Variants in CAMKMT observed in about 807,000 individuals in gnomAD.
CAMKMT encodes the protein CaM KMT.
A neutral mutation model predicts 48.0 loss-of-function variants in CAMKMT; 53 were observed. That is an observed-to-expected ratio of 1.10 (90% CI 0.89 to 1.39). The LOEUF (loss-of-function observed/expected upper bound fraction) is 1.39. Ranked by LOEUF, CAMKMT falls within the 40% of genes most tolerant of loss-of-function variation. The probability of loss-of-function intolerance (pLI) is 0.00; values close to 1 mark genes in which losing one functional copy is unlikely to be tolerated. For synonymous variants in CAMKMT, 165 were observed against 152.3 expected, an observed-to-expected ratio of 1.08 and a Z score of -0.61; for missense variants, 428 against 402.7, an observed-to-expected ratio of 1.06 and a Z score of -0.54.
chr2:44,506,610 G>T (rs980403569), intron 3 of CAMKMT, among the ~76,000 whole-genome samples: 2 of 152,118 alleles, frequency 1.3e-5, no homozygotes, highest in Non-Finnish European at 2.9e-5. Flanking sequence ...ATTTCTCAAT[G>T]TAGGGGGACT....
intron 3 of CAMKMT, among the ~76,000 whole-genome samples, chr2:44,426,451 C>T (rs562593498): frequency 1.3e-5 from 2 of 152,298 alleles, no homozygotes; most frequent in Admixed American, 6.5e-5. Flanking sequence ...GAAGATTCTG[C>T]TCAAAGACTC....
At chr2:44,543,002 A>C (rs1052035914) in intron 3 of CAMKMT, among the ~76,000 whole-genome samples, 1 of 152,216 alleles carries the variant, frequency 6.6e-6, no homozygotes, top group Non-Finnish European at 1.5e-5. Context: ...AAAATAGAGA[A>C]CCGAGTTTAA....
intron 3 of CAMKMT, among the ~76,000 whole-genome samples, chr2:44,496,414 G>C (rs556876200): frequency 6.6e-6 from 1 of 152,206 alleles, no homozygotes; most frequent in Non-Finnish European, 1.5e-5. Context: ...TATTTATTAT[G>C]TATTTGTAAG....
chr2:44,424,242 G>A (rs1284577192), intron 3 of CAMKMT, among the ~76,000 whole-genome samples: 1 of 151,330 alleles, frequency 6.6e-6, no homozygotes, highest in African/African-American at 2.4e-5. Flanking sequence ...TAGTGGGAGC[G>A]GTCGCAGACA....
At chr2:44,459,131 C>G (rs896666472) in intron 3 of CAMKMT, among the ~76,000 whole-genome samples, 1 of 151,972 alleles carries the variant, frequency 6.6e-6, no homozygotes, top group Non-Finnish European at 1.5e-5. Context: ...GGAATAGTAC[C>G]CTTTTCAGAT....
intron 9 of CAMKMT, among the ~76,000 whole-genome samples, chr2:44,764,035 T>A (rs555451545): frequency 1.3e-5 from 2 of 152,158 alleles, no homozygotes; most frequent in African/African-American, 2.4e-5. Context: ...CTGTTGTTTT[T>A]TTTTTTCTAA....
At chr2:44,429,871 C>T (rs530485890) in intron 3 of CAMKMT, among the ~76,000 whole-genome samples, 2 of 149,798 alleles carry the variant, frequency 1.3e-5, no homozygotes, top group East Asian at 3.9e-4. Flanking sequence ...TGCTAATTTA[C>T]CCATAATTAT....
chr2:44,542,596 A>G (rs1026181366), intron 3 of CAMKMT, among the ~76,000 whole-genome samples: 1 of 152,032 alleles, frequency 6.6e-6, no homozygotes, highest in African/African-American at 2.4e-5. Context: ...ATACATGTGT[A>G]AAGAAACTTG....
intron 2 of CAMKMT, among the ~76,000 whole-genome samples, chr2:44,375,554 T>A (rs1679601761): frequency 2.0e-5 from 3 of 152,098 alleles, no homozygotes; most frequent in African/African-American, 7.2e-5. Context: ...AATAGAAGTT[T>A]AGAGGTAGGA....
At chr2:44,637,099 C>T (rs982762657) in intron 3 of CAMKMT, among the ~76,000 whole-genome samples, 1 of 152,276 alleles carries the variant, frequency 6.6e-6, no homozygotes, top group African/African-American at 2.4e-5. Flanking sequence ...AGTGGGTGTT[C>T]GCTAAAACCA....
chr2:44,559,841 T>C (rs1668229912), intron 3 of CAMKMT, among the ~76,000 whole-genome samples: 1 of 152,228 alleles, frequency 6.6e-6, no homozygotes, highest in South Asian at 2.1e-4. Flanking sequence ...TCTTGTCCAA[T>C]TTGTACATGG....
intron 3 of CAMKMT, among the ~76,000 whole-genome samples, chr2:44,424,680 A>G (rs781109730): frequency 1.3e-5 from 2 of 152,172 alleles, no homozygotes; most frequent in African/African-American, 2.4e-5. Context: ...TGGAAAACCA[A>G]ACATCATATG....
intron 3 of CAMKMT, among the ~76,000 whole-genome samples, chr2:44,398,885 T>A (rs1204882675): frequency 1.3e-5 from 2 of 152,170 alleles, no homozygotes; most frequent in African/African-American, 2.4e-5. Flanking sequence ...ATGAATTTAG[T>A]GTTTGTGTGT....
intron 2 of CAMKMT, among the ~76,000 whole-genome samples, chr2:44,383,920 G>T (rs1572702114): frequency 6.6e-6 from 1 of 152,144 alleles, no homozygotes; most frequent in Admixed American, 6.5e-5. Flanking sequence ...ATTGTGAATT[G>T]TGCTGCTATA....
At chr2:44,400,404 T>A (rs1029125443) in intron 3 of CAMKMT, among the ~76,000 whole-genome samples, 7 of 152,130 alleles carry the variant, frequency 4.6e-5, no homozygotes, top group Admixed American at 2.6e-4. Flanking sequence ...GTAATTATTA[T>A]ATGGAATGAG....
At chr2:44,378,207 A>G (rs2104377657) in intron 2 of CAMKMT, among the ~76,000 whole-genome samples, 1 of 152,348 alleles carries the variant, frequency 6.6e-6, no homozygotes, top group East Asian at 1.9e-4. Flanking sequence ...CTTAAATCAT[A>G]GATATGGGCT....
chr2:44,769,127 TA>T (rs200150530), intron 10 of CAMKMT, among the ~76,000 whole-genome samples: 3,353 of 133,780 alleles, frequency 0.025, 75 homozygotes, highest in African/African-American at 0.07. Flanking sequence ...TAGTGCAAGG[TA>T]AAAAAAAAAA....
chr2:44,651,666 C>A (rs1674073152), intron 3 of CAMKMT, among the ~76,000 whole-genome samples: 1 of 152,186 alleles, frequency 6.6e-6, no homozygotes, highest in Non-Finnish European at 1.5e-5. Flanking sequence ...AAAAAGTCAG[C>A]AACAGTGAGA....
chr2:44,614,714 C>T (rs1445125624), intron 3 of CAMKMT, among the ~76,000 whole-genome samples: 1 of 151,958 alleles, frequency 6.6e-6, no homozygotes, highest in Non-Finnish European at 1.5e-5. Flanking sequence ...GAATAAAATG[C>T]TGAAAGCCAC....
Sources: allele counts gnomAD v4.1 joint callset (sites outside exome capture counted in the v4.1 genomes callset), GRCh38; gene constraint gnomAD v4.1.1; transcripts MANE v1.5; gene names NCBI Gene and HGNC (gene_info 2026-07-23, HGNC 2026-07-21).